DAPK2: variants seen among roughly 807,000 people sequenced by gnomAD.
The protein encoded by DAPK2 is death-associated protein kinase 2.
Under a neutral mutation model 44.1 loss-of-function variants are expected in DAPK2, and 35 were observed. The ratio of observed to expected loss-of-function variants is 0.79; its 90% CI spans 0.61 to 1.05. The LOEUF (loss-of-function observed/expected upper bound fraction) is 1.05, where lower values mean the gene tolerates loss of function less well. Ranked by LOEUF, DAPK2 falls within the 50% of genes least tolerant of loss-of-function variation. The probability of loss-of-function intolerance (pLI) is 0.00; values close to 1 mark genes in which losing one functional copy is unlikely to be tolerated. For missense variants in DAPK2, 453 were observed against 483.2 expected (o/e 0.94, Z 0.59); for synonymous variants, 174 against 182.6 (o/e 0.95, Z 0.38).
chr15:63,925,909 C>G lies in DAPK2; in HGVS notation c.812+32G>C. 1.9e-6 allele frequency: 3 copies of G among 1,614,000 alleles called. No homozygotes were observed. The East Asian group carries it at 6.7e-5, about 36-fold the overall frequency. On this transcript the variant is annotated intron_variant, in intron 7 of 10. Coordinates refer to ENST00000261891, the Ensembl canonical transcript of DAPK2. The stretch of plus-strand genomic sequence containing the variant: ...AGAGGCGACAGGAAGGGATCAGTAC[C>G]TGAGAAACCAGTGGCTTCTCTGTCC...
At position 63,929,368 on chromosome 15, in the gene DAPK2, G is replaced by A. The variant is rs1887380763; in HGVS notation, c.659+183C>T. On this transcript the variant is annotated intron_variant, in intron 6 of 10. Coordinates refer to ENST00000261891, the Ensembl canonical transcript of DAPK2. ...CCCTGGATGCCTATTCAACCTCAAT[G>A]CCAGGGTCAGATGGATGAAATGGAC... The A allele has an allele frequency of 7.1e-6, 5 of 702,356 alleles. No homozygotes were observed. In the Admixed American group the frequency reaches 1.4e-4, roughly 19 times the overall value. The allele number at this position is 702,356 out of a possible 1,614,324, so 43.5% of individuals were successfully genotyped here.
At chr15:63,984,831 G>T (rs1317317256) in intron 1 of DAPK2, among the ~76,000 whole-genome samples, 1 of 152,138 alleles carries the variant, frequency 6.6e-6, no homozygotes, top group African/African-American at 2.4e-5. Context: ...TGGGATATTT[G>T]CCCCAAATGC....
chr15:63,986,398 C>A (rs765425833), intron 1 of DAPK2, among the ~76,000 whole-genome samples: 2 of 152,164 alleles, frequency 1.3e-5, no homozygotes, highest in African/African-American at 2.4e-5. Flanking sequence ...TTCAAATGGT[C>A]TGGAATGTGA....
Position 63,999,945 on chromosome 15 carries a change from T to C in DAPK2, c.93-16191A>G, listed in dbSNP as rs540735150. 2.0e-5 allele frequency among the ~76,000 whole-genome samples: 3 copies of C among 152,016 alleles called. No homozygotes were observed. In the South Asian group the frequency reaches 6.2e-4, roughly 32 times the overall value. On this transcript the variant is annotated intron_variant, in intron 1 of 10. Coordinates refer to ENST00000261891, the Ensembl canonical transcript of DAPK2. ...CTATGCCTGGCTAATTTTTATATTT[T>C]CTGTAGAGATGGGGTTTCGCCATGT... is the stretch of plus-strand genomic sequence containing the variant.
chr15:64,036,309 G>GTATATATATATA (rs1175432400), intron 1 of DAPK2, among the ~76,000 whole-genome samples: 1 of 60,518 alleles, frequency 1.7e-5, no homozygotes, highest in Non-Finnish European at 4.0e-5. Context: ...GTGTGTGTGT[G>GTATATATATATA]TATATATATG....
chr15:64,009,586 G>A (rs754052475), intron 1 of DAPK2, among the ~76,000 whole-genome samples: 4 of 151,986 alleles, frequency 2.6e-5, no homozygotes, highest in African/African-American at 4.8e-5. Flanking sequence ...CTAGGAGGTC[G>A]TCTGCCTACC....
At chr15:64,012,046 C>T (rs2079402432) in intron 1 of DAPK2, among the ~76,000 whole-genome samples, 1 of 152,196 alleles carries the variant, frequency 6.6e-6, no homozygotes, top group Non-Finnish European at 1.5e-5. Flanking sequence ...AAAGTGCAGA[C>T]CAGCCACTCT....
chr15:64,003,443 C>T (rs2079150114), intron 1 of DAPK2, among the ~76,000 whole-genome samples: 1 of 152,240 alleles, frequency 6.6e-6, no homozygotes, highest in Non-Finnish European at 1.5e-5. Context: ...CATGTCCTTA[C>T]AGGGCATCCA....
At chr15:63,948,538 G>T (rs1050747288) in intron 3 of DAPK2, among the ~76,000 whole-genome samples, 1 of 151,888 alleles carries the variant, frequency 6.6e-6, no homozygotes, top group African/African-American at 2.4e-5. Flanking sequence ...GGGAAAATCC[G>T]CCCCCAAGAT....
intron 2 of DAPK2, among the ~76,000 whole-genome samples, chr15:63,978,888 C>T (rs1267375425): frequency 6.6e-6 from 1 of 152,174 alleles, no homozygotes; most frequent in Non-Finnish European, 1.5e-5. Flanking sequence ...GGGTGGCATG[C>T]CTGCTGGAAA....
intron 4 of DAPK2, among the ~76,000 whole-genome samples, chr15:63,935,167 G>A (rs1411356471): frequency 4.9e-5 from 7 of 144,166 alleles, no homozygotes; most frequent in African/African-American, 1.8e-4. Flanking sequence ...CTCAGTTCAC[G>A]ACAACCTCTG....
At chr15:63,970,512 A>G (rs1472218827) in intron 3 of DAPK2, among the ~76,000 whole-genome samples, 1 of 152,060 alleles carries the variant, frequency 6.6e-6, no homozygotes, top group East Asian at 1.9e-4. Context: ...TCCTTCTAGC[A>G]TAGTACTTAG....
intron 4 of DAPK2, among the ~76,000 whole-genome samples, chr15:63,936,714 T>G (rs2077163493): frequency 6.6e-6 from 1 of 151,966 alleles, no homozygotes; most frequent in African/African-American, 2.4e-5. Flanking sequence ...GGCATGGTGG[T>G]TCACGCCTGT....
intron 3 of DAPK2, among the ~76,000 whole-genome samples, chr15:63,953,359 G>A (rs186440670): frequency 6.6e-6 from 1 of 152,126 alleles, no homozygotes; most frequent in East Asian, 1.9e-4. Flanking sequence ...ATGCATAAAT[G>A]AGAACATACA....
rs376515290 is a variant in DAPK2 at position 63,920,641 on chromosome 15, T to C, written c.858+4175A>G. ...ATTCTGAAGAAATGGTTTCATGAGA[T>C]GAAGCTTTCCTGTCTTGTCCTAAAC... is the stretch of plus-strand genomic sequence containing the variant. On this transcript the variant is annotated intron_variant, in intron 8 of 10. Coordinates refer to ENST00000261891, the Ensembl canonical transcript of DAPK2. 6.6e-5 allele frequency: 10 copies of C among 152,344 alleles called. No individual in the cohort carries two copies. The South Asian group carries it at 1.0e-3, about 16-fold the overall frequency. 9.4% of individuals were successfully genotyped at this position (152,344 alleles called of 1,614,324 possible).
At chr15:63,945,900 C>T (rs2077437447) in intron 3 of DAPK2, among the ~76,000 whole-genome samples, 2 of 152,228 alleles carry the variant, frequency 1.3e-5, no homozygotes, top group African/African-American at 2.4e-5. Context: ...GAAGAACAGG[C>T]TGCTGCAACC....
At chr15:63,913,939 T>TG (rs777642124) in intron 8 of DAPK2, among the ~76,000 whole-genome samples, 1 of 152,366 alleles carries the variant, frequency 6.6e-6, no homozygotes, top group South Asian at 2.1e-4. Context: ...GGAAAATGAC[T>TG]GGAGGGCACA....
chr15:63,928,845 G>A (rs2079403648), intron 6 of DAPK2, among the ~76,000 whole-genome samples: 1 of 152,160 alleles, frequency 6.6e-6, no homozygotes, highest in Admixed American at 6.6e-5. Context: ...CTGGGGAAAA[G>A]GGGAAAGAAA....
intron 8 of DAPK2, 105 bp downstream of exon 9, chr15:63,924,711 A>T: frequency 1.5e-6 from 2 of 1,303,054 alleles, no homozygotes; most frequent in Non-Finnish European, 2.2e-6. Context: ...GTCAGTGTTT[A>T]AAGCAAAGGC....
Sources: gnomAD v4.1 joint callset for allele counts (sites outside exome capture counted in the v4.1 genomes callset) on GRCh38, gnomAD v4.1.1 for gene constraint, MANE v1.5 for transcripts, NCBI Gene and HGNC (gene_info 2026-07-23, HGNC 2026-07-21) for gene names.